Variants in MYO1E observed in about 807,000 individuals in gnomAD.
MYO1E encodes unconventional myosin-Ie.
Under a neutral mutation model 151.1 loss-of-function variants are expected in MYO1E, and 68 were observed. That is an observed-to-expected ratio of 0.45 (90% CI 0.37 to 0.55). The LOEUF (loss-of-function observed/expected upper bound fraction) is 0.55. Among genes scored for constraint, MYO1E ranks in the 20% least tolerant of loss-of-function variants. MYO1E has a pLI of 0.00. For synonymous variants in MYO1E, 601 were observed against 501.7 expected (o/e 1.20, Z -2.64); for missense variants, 1,363 against 1,389.3 (o/e 0.98, Z 0.30).
chr15:59,287,461 G>A (rs1200052908), intron 1 of MYO1E, among the ~76,000 whole-genome samples: 3 of 152,156 alleles, frequency 2.0e-5, no homozygotes, highest in Non-Finnish European at 2.9e-5. Context: ...AGATCAGCAC[G>A]GCTTCACTGA....
intron 1 of MYO1E, among the ~76,000 whole-genome samples, chr15:59,291,560 G>A (rs532792069): frequency 6.6e-6 from 1 of 151,576 alleles, no homozygotes; most frequent in East Asian, 1.9e-4. Context: ...AGGTGGCCAG[G>A]CGTGGTGGCT....
intron 7 of MYO1E, among the ~76,000 whole-genome samples, chr15:59,225,157 G>A (rs1279426140): frequency 3.3e-5 from 5 of 152,148 alleles, no homozygotes; most frequent in African/African-American, 1.2e-4. Context: ...GCTTTTCCAT[G>A]TTTCTCACTG....
chr15:59,183,319 C>A (rs1188696469), intron 18 of MYO1E, among the ~76,000 whole-genome samples: 3 of 150,814 alleles, frequency 2.0e-5, no homozygotes, highest in African/African-American at 7.3e-5. Flanking sequence ...ACAAAAAAAC[C>A]CAGAATAGAT....
intron 26 of MYO1E, among the ~76,000 whole-genome samples, chr15:59,144,408 C>T (rs1003011424): frequency 2.0e-5 from 3 of 152,014 alleles, no homozygotes; most frequent in East Asian, 3.9e-4. Context: ...CTCAAGTGAT[C>T]CGCCCGCCTC....
At chr15:59,151,926 G>C (rs1464433921) in intron 26 of MYO1E, among the ~76,000 whole-genome samples, 1 of 149,888 alleles carries the variant, frequency 6.7e-6, no homozygotes, top group African/African-American at 2.5e-5. Context: ...AAATTAGCCG[G>C]GCATGGTGGC....
intron 17 of MYO1E, among the ~76,000 whole-genome samples, chr15:59,189,442 CAG>C (rs2079719746): frequency 6.6e-6 from 1 of 152,056 alleles, no homozygotes; most frequent in Non-Finnish European, 1.5e-5. Context: ...TCTTTCGAGA[CAG>C]AGTCTCGCTT....
chr15:59,198,241 G>A (rs993490705), intron 16 of MYO1E, among the ~76,000 whole-genome samples: 1 of 152,160 alleles, frequency 6.6e-6, no homozygotes, highest in Non-Finnish European at 1.5e-5. Flanking sequence ...AGCCAAGAAG[G>A]GTTCCTGAGT....
At chr15:59,349,337 T>G (rs192807152) in intron 1 of MYO1E, among the ~76,000 whole-genome samples, 1 of 152,338 alleles carries the variant, frequency 6.6e-6, no homozygotes, top group East Asian at 1.9e-4. Flanking sequence ...GATATAATTA[T>G]GTCTTTAGCT....
At chr15:59,276,295 T>C (rs1421243425) in intron 1 of MYO1E, among the ~76,000 whole-genome samples, 2 of 152,098 alleles carry the variant, frequency 1.3e-5, no homozygotes, top group African/African-American at 4.8e-5. Flanking sequence ...GCGAGCTTCA[T>C]TTTTGAGTAA....
chr15:59,211,910 C>T (rs1265863799), intron 12 of MYO1E, among the ~76,000 whole-genome samples: 1 of 152,076 alleles, frequency 6.6e-6, no homozygotes, highest in Non-Finnish European at 1.5e-5. Flanking sequence ...TTTTAAACTT[C>T]CATTCTAGTT....
intron 1 of MYO1E, 137 bp from the exon 2 acceptor site, chr15:59,272,586 C>A: frequency 2.1e-6 from 2 of 970,100 alleles, no homozygotes; most frequent in South Asian, 1.5e-5. Flanking sequence ...ATTCTGCAAT[C>A]AATAAGATGA....
intron 9 of MYO1E, 76 bp downstream of exon 9, chr15:59,222,983 C>T: frequency 8.8e-6 from 14 of 1,592,280 alleles, no homozygotes; most frequent in Non-Finnish European, 1.2e-5. Flanking sequence ...GAGATCTAAG[C>T]AAAGGAAAGT....
chr15:59,298,897 T>C (rs1438960073), intron 1 of MYO1E, among the ~76,000 whole-genome samples: 1 of 152,240 alleles, frequency 6.6e-6, no homozygotes, highest in Non-Finnish European at 1.5e-5. Flanking sequence ...GGGATAACCA[T>C]TAAACATTTT....
rs1307810362 is a variant in MYO1E, at chr15:59,159,470, G to A, written c.2786-1091C>T. 3.3e-5 allele frequency among the ~76,000 whole-genome samples: 5 copies of A among 152,258 alleles called. No homozygotes were observed. Among genetic ancestry groups the A allele is most frequent in the Non-Finnish European group, 7.3e-5 (5 of 68,048 alleles). On this transcript the variant is annotated intron_variant, in intron 24 of 27. Coordinates refer to ENST00000288235, the MANE Select transcript of MYO1E (RefSeq NM_004998.4). The surrounding 1 kb of genome is among the most constrained non-coding windows in gnomAD (Gnocchi z 4.4). ...GCCAGGCCAACAGGAGGCACTGGAAGGAGACTGGAGTGTCAGGAGGGAGGT... is the reference window on the plus strand; with the variant it reads ...GCCAGGCCAACAGGAGGCACTGGAAAGAGACTGGAGTGTCAGGAGGGAGGT...
At chr15:59,244,486 T>C (rs1218226522) in intron 4 of MYO1E, among the ~76,000 whole-genome samples, 2 of 152,222 alleles carry the variant, frequency 1.3e-5, no homozygotes, top group Non-Finnish European at 2.9e-5. Context: ...TAACTGAGGC[T>C]TGCAGGGGTC....
chr15:59,268,720 A>ATTTTTTTTTGTTTTTTTTTTTT (rs2080271584), intron 2 of MYO1E, among the ~76,000 whole-genome samples: 1 of 44,906 alleles, frequency 2.2e-5, no homozygotes, highest in Non-Finnish European at 4.9e-5. Context: ...TGACTTTGGT[A>ATTTTTTTTTGTTTTTTTTTTTT]TTTTTTTTTT....
At chr15:59,277,573 A>AAACAAAAAAAAC (rs2080328616) in intron 1 of MYO1E, among the ~76,000 whole-genome samples, 2 of 148,082 alleles carry the variant, frequency 1.4e-5, no homozygotes, top group African/African-American at 5.1e-5. Context: ...AAAAAAAAAA[A>AAACAAAAAAAAC]CATCAAAGCC....
chr15:59,255,720 A>C (rs1190674954), intron 4 of MYO1E, among the ~76,000 whole-genome samples: 2 of 152,222 alleles, frequency 1.3e-5, no homozygotes, highest in African/African-American at 4.8e-5. Context: ...ATTGCAAAAA[A>C]ATCTCATAAT....
chr15:59,262,465 CA>C (rs1238354719), intron 2 of MYO1E, among the ~76,000 whole-genome samples: 1 of 151,804 alleles, frequency 6.6e-6, no homozygotes, highest in Non-Finnish European at 1.5e-5. Flanking sequence ...AAAACAAAAA[CA>C]AAAACAAAAA....
Sources: gnomAD v4.1 joint callset for allele counts (sites outside exome capture counted in the v4.1 genomes callset) on GRCh38, gnomAD v4.1.1 for gene constraint, Gnocchi (gnomAD v3.1) non-coding constraint, MANE v1.5 for transcripts, NCBI Gene and HGNC (gene_info 2026-07-23, HGNC 2026-07-21) for gene names.